Variants in PDE10A observed in about 807,000 individuals in gnomAD.
PDE10A encodes phosphodiesterase 10A, also known as cAMP and cAMP-inhibited cGMP 3',5'-cyclic phosphodiesterase 10A.
A neutral mutation model predicts 97.7 loss-of-function variants in PDE10A; 39 were observed. That is an observed-to-expected ratio of 0.40 (90% CI 0.31 to 0.52). The LOEUF is 0.52. Among genes scored for constraint, PDE10A ranks in the 20% least tolerant of loss-of-function variants. The pLI is 0.56. For missense variants in PDE10A, 731 were observed against 1,047.8 expected (o/e 0.70, Z 4.17); for synonymous variants, 371 against 376.8 (o/e 0.98, Z 0.18).
chr6:165,932,719 G>A (rs1311006968), intron 1 of PDE10A, among the ~76,000 whole-genome samples: 1 of 152,192 alleles, frequency 6.6e-6, no homozygotes, highest in Non-Finnish European at 1.5e-5. Context: ...TGATCTGCCC[G>A]CATCAGCCTC....
chr6:165,369,854 A>G (rs1279812599), intron 18 of PDE10A, among the ~76,000 whole-genome samples: 1 of 151,704 alleles, frequency 6.6e-6, no homozygotes, highest in East Asian at 1.9e-4. Context: ...CACAAAGGGA[A>G]GCCCATCAGA....
intron 1 of PDE10A, among the ~76,000 whole-genome samples, chr6:165,583,065 A>G (rs944836375): frequency 2.0e-5 from 3 of 152,236 alleles, no homozygotes; most frequent in Admixed American, 1.3e-4. Context: ...TGATAGCATT[A>G]GTCTGAATTT....
intron 1 of PDE10A, among the ~76,000 whole-genome samples, chr6:165,984,094 A>C (rs1785106300): frequency 6.6e-6 from 1 of 152,258 alleles, no homozygotes; most frequent in Non-Finnish European, 1.5e-5. Flanking sequence ...ATATTCTCAG[A>C]CAATTACCAA....
At chr6:165,770,229 C>G (rs1399914532) in intron 1 of PDE10A, among the ~76,000 whole-genome samples, 1 of 147,718 alleles carries the variant, frequency 6.8e-6, no homozygotes. Context: ...GTTTCTCTTA[C>G]AGTGAATCAA....
chr6:165,898,670 C>T (rs1782022543), intron 1 of PDE10A, among the ~76,000 whole-genome samples: 1 of 151,974 alleles, frequency 6.6e-6, no homozygotes, highest in African/African-American at 2.4e-5. Context: ...CTCCCTGGGA[C>T]CCTCCCAACC....
At chr6:165,522,736 T>G (rs1265518629) in intron 2 of PDE10A, among the ~76,000 whole-genome samples, 5 of 152,178 alleles carry the variant, frequency 3.3e-5, no homozygotes, top group African/African-American at 1.2e-4. Context: ...TCCACTCTTA[T>G]CACTCTTATT....
intron 1 of PDE10A, among the ~76,000 whole-genome samples, chr6:165,695,613 CAGAT>C (rs754617927): frequency 2.6e-5 from 4 of 152,158 alleles, no homozygotes; most frequent in Non-Finnish European, 4.4e-5. Flanking sequence ...GGCTGTAAAA[CAGAT>C]AGCTCCTGTA....
intron 16 of PDE10A, among the ~76,000 whole-genome samples, chr6:165,391,066 AT>A (rs1785678611): frequency 6.6e-6 from 1 of 152,180 alleles, no homozygotes; most frequent in Admixed American, 6.5e-5. Context: ...CATTTTTAAA[AT>A]TCATGTGACT....
chr6:165,367,086 A>G (rs557916), intron 18 of PDE10A, among the ~76,000 whole-genome samples: 63,571 of 151,928 alleles, frequency 0.42, 13,461 homozygotes, highest in African/African-American at 0.46. Context: ...TAAATAATGT[A>G]CAGATACGCT....
chr6:165,575,946 TATC>T (rs150995785), intron 1 of PDE10A, among the ~76,000 whole-genome samples: 10,680 of 151,340 alleles, frequency 0.071, 555 homozygotes, highest in Non-Finnish European at 0.1. Context: ...AATTGCTAAA[TATC>T]ATTATCTCAG....
chr6:165,778,977 T>A (rs1778270999), intron 1 of PDE10A, among the ~76,000 whole-genome samples: 1 of 152,246 alleles, frequency 6.6e-6, no homozygotes, highest in African/African-American at 2.4e-5. Context: ...TCTTGCAATT[T>A]CACCTTTTTA....
chr6:165,477,831 C>G (rs1484918302), intron 3 of PDE10A, among the ~76,000 whole-genome samples: 2 of 152,194 alleles, frequency 1.3e-5, no homozygotes, highest in East Asian at 3.8e-4. Flanking sequence ...AGTCCTGCAG[C>G]TAAAATTCTA....
At chr6:165,337,361 T>C (rs140285384) in intron 20 of PDE10A, among the ~76,000 whole-genome samples, 12 of 152,334 alleles carry the variant, frequency 7.9e-5, no homozygotes, top group African/African-American at 2.9e-4. Flanking sequence ...TTCTCGAAAG[T>C]ACTGAACTTC....
chr6:165,720,149 TG>T (rs1167194241), intron 1 of PDE10A, among the ~76,000 whole-genome samples: 4 of 152,204 alleles, frequency 2.6e-5, no homozygotes, highest in Non-Finnish European at 5.9e-5. Flanking sequence ...ATAAGAGGCT[TG>T]GAAGTGGCTG....
chr6:165,484,344 T>C (rs564726100), intron 2 of PDE10A, among the ~76,000 whole-genome samples: 3 of 152,256 alleles, frequency 2.0e-5, no homozygotes, highest in Non-Finnish European at 4.4e-5. Flanking sequence ...CAGCAGGAGG[T>C]GAGCGGCGGC....
chr6:165,333,333 G>C (rs959285949), intron 21 of PDE10A, among the ~76,000 whole-genome samples: 8 of 152,256 alleles, frequency 5.3e-5, no homozygotes, highest in South Asian at 4.1e-4. Flanking sequence ...GAGGGTCAGG[G>C]GCACCTTGGT....
chr6:165,777,848 T>C (rs1275950493), intron 1 of PDE10A, among the ~76,000 whole-genome samples: 2 of 152,162 alleles, frequency 1.3e-5, no homozygotes, highest in Non-Finnish European at 2.9e-5. Flanking sequence ...CCATGGTGTC[T>C]GCTGGCCTGC....
chr6:165,592,098 C>A (rs1399322113), intron 1 of PDE10A, among the ~76,000 whole-genome samples: 1 of 152,028 alleles, frequency 6.6e-6, no homozygotes, highest in Non-Finnish European at 1.5e-5. Context: ...GTACTGATAC[C>A]AAAACAGATA....
At chr6:165,628,603 C>G (rs1266079880) in intron 1 of PDE10A, among the ~76,000 whole-genome samples, 1 of 152,134 alleles carries the variant, frequency 6.6e-6, no homozygotes, top group Admixed American at 6.5e-5. Flanking sequence ...CTCAACCTCC[C>G]AAAGCGCTGG....
Sources: allele counts gnomAD v4.1 joint callset (sites outside exome capture counted in the v4.1 genomes callset), GRCh38; gene constraint gnomAD v4.1.1; transcripts MANE v1.5; gene names NCBI Gene and HGNC (gene_info 2026-07-23, HGNC 2026-07-21).